Variants in STPG1 observed in about 807,000 individuals in gnomAD.
STPG1 encodes sperm tail PG-rich repeat containing 1.
In STPG1, 33 loss-of-function variants were observed where a neutral mutation model predicts 40.1. The observed-to-expected ratio is 0.82, with a 90% CI of 0.62 to 1.10. The LOEUF is 1.10. Among genes scored for constraint, STPG1 ranks in the 50% least tolerant of loss-of-function variants. The pLI is 0.00. For missense variants in STPG1, 396 were observed against 415.1 expected (o/e 0.95, Z 0.40); for synonymous variants, 150 against 155.0 (o/e 0.97, Z 0.24).
chr1:24,369,342 GCTC>G (rs1379596956), intron 7 of STPG1: 1 of 508,260 alleles, frequency 2.0e-6, no homozygotes, highest in Non-Finnish European at 4.0e-6. Flanking sequence ...ATTCCCTGTG[GCTC>G]CTCAAGTTGG....
intron 7 of STPG1, among the ~76,000 whole-genome samples, chr1:24,362,476 T>C (rs190423289): frequency 5.1e-4 from 77 of 152,304 alleles, no homozygotes; most frequent in Admixed American, 7.9e-4. Context: ...GATTTCTCTA[T>C]AGCTTAGCGT....
At position 24,358,610 on chromosome 1, in the gene STPG1, T is replaced by TGCTCTCCAGGGCTTCCTCAGC; in HGVS notation, c.937_938insGCTGAGGAAGCCCTGGAGAGC (p.Lys313delinsSerTer). 6.2e-7 allele frequency: 1 copy of TGCTCTCCAGGGCTTCCTCAGC among 1,613,640 alleles called. No homozygotes were observed. The highest frequency in any genetic ancestry group is 8.5e-7 in the Non-Finnish European group (1 of 1,179,620). On this transcript the variant is annotated stop_gained and protein_altering_variant, in exon 9 of 9. Coordinates refer to ENST00000337248, the MANE Select transcript of STPG1 (RefSeq NM_001199013.2). LOFTEE classifies it high-confidence loss of function. Reference sequence around the variant, plus strand: ...GGACTGCTTTCCTGGAAGCTCTGGCTTGTACGTAGCTGTGAGGGGACAGAG... The same window carrying TGCTCTCCAGGGCTTCCTCAGC: ...GGACTGCTTTCCTGGAAGCTCTGGCTGCTCTCCAGGGCTTCCTCAGCTGTACGTAGCTGTGAGGGGACAGAG...
At chr1:24,360,306 G>T (rs1046912998) in intron 8 of STPG1, among the ~76,000 whole-genome samples, 7 of 152,136 alleles carry the variant, frequency 4.6e-5, no homozygotes, top group Non-Finnish European at 1.0e-4. Flanking sequence ...AAAAGTAGCT[G>T]GGTGTGGTGG....
intron 3 of STPG1, among the ~76,000 whole-genome samples, chr1:24,385,204 G>A (rs1642454471): frequency 6.6e-6 from 1 of 152,192 alleles, no homozygotes; most frequent in African/African-American, 2.4e-5. Flanking sequence ...TGTAATTATG[G>A]TTTCATATAA....
chr1:24,367,907 G>A (rs1175935312), intron 7 of STPG1, among the ~76,000 whole-genome samples: 3 of 152,130 alleles, frequency 2.0e-5, no homozygotes, highest in African/African-American at 4.8e-5. Context: ...TAAAACTGAG[G>A]CTCAGAGAGG....
intron 7 of STPG1, among the ~76,000 whole-genome samples, chr1:24,367,401 C>T (rs975290225): frequency 2.6e-5 from 4 of 152,238 alleles, no homozygotes; most frequent in Admixed American, 1.3e-4. Context: ...CTTGAAGAAG[C>T]TTCCAAATTT....
chr1:24,406,341 T>C (rs1301137495), intron 1 of STPG1, among the ~76,000 whole-genome samples: 1 of 152,156 alleles, frequency 6.6e-6, no homozygotes, highest in Admixed American at 6.5e-5. Flanking sequence ...TCCATCCTTT[T>C]TGCTACTTTT....
chr1:24,392,003 T>C, intron 2 of STPG1: 1 of 1,054,606 alleles, frequency 9.5e-7, no homozygotes, highest in Non-Finnish European at 1.1e-6. Flanking sequence ...ACAGCAAAAC[T>C]ATTCTGGGAG....
chr1:24,367,452 T>C (rs1349543445), intron 7 of STPG1, among the ~76,000 whole-genome samples: 3 of 152,242 alleles, frequency 2.0e-5, no homozygotes, highest in Admixed American at 6.5e-5. Context: ...AACAGCTGTA[T>C]TGTATAATAT....
chr1:24,376,014 T>C (rs1466251065), intron 5 of STPG1, among the ~76,000 whole-genome samples: 1 of 151,972 alleles, frequency 6.6e-6, no homozygotes, highest in African/African-American at 2.4e-5. Context: ...ATGAAAGAAA[T>C]TGCATCTGGT....
intron 6 of STPG1, among the ~76,000 whole-genome samples, chr1:24,371,832 T>G (rs577689724): frequency 6.6e-5 from 10 of 151,844 alleles, no homozygotes; most frequent in Non-Finnish European, 1.3e-4. Flanking sequence ...GAAGCTGGGG[T>G]GGAGGGTGAG....
chr1:24,403,540 C>T (rs1643304921), intron 1 of STPG1, among the ~76,000 whole-genome samples: 1 of 152,086 alleles, frequency 6.6e-6, no homozygotes, highest in Admixed American at 6.6e-5. Context: ...ATCTATAGAA[C>T]AATTTAGGGA....
At chr1:24,382,195 C>T (rs570838521) in intron 4 of STPG1, among the ~76,000 whole-genome samples, 22 of 152,126 alleles carry the variant, frequency 1.4e-4, no homozygotes, top group African/African-American at 2.7e-4. Flanking sequence ...AGTTACCGCA[C>T]GCAAAGCCTT....
intron 7 of STPG1, among the ~76,000 whole-genome samples, chr1:24,362,297 C>T (rs1412675514): frequency 6.6e-6 from 1 of 152,184 alleles, no homozygotes; most frequent in African/African-American, 2.4e-5. Flanking sequence ...ACAAAGTAAC[C>T]GATCCAGTTA....
At chr1:24,404,364 A>T (rs1379619535) in intron 1 of STPG1, among the ~76,000 whole-genome samples, 1 of 152,206 alleles carries the variant, frequency 6.6e-6, no homozygotes, top group Non-Finnish European at 1.5e-5. Flanking sequence ...ATCTGTGTTT[A>T]TGAGGGCTAT....
intron 3 of STPG1, among the ~76,000 whole-genome samples, chr1:24,388,486 C>T (rs908721536): frequency 6.6e-6 from 1 of 152,232 alleles, no homozygotes; most frequent in African/African-American, 2.4e-5. Context: ...CTGTACTCTG[C>T]AGTAAGATTC....
intron 4 of STPG1, among the ~76,000 whole-genome samples, chr1:24,382,406 G>A (rs545504620): frequency 2.0e-5 from 3 of 152,288 alleles, no homozygotes; most frequent in African/African-American, 7.2e-5. Flanking sequence ...TTCACTCATT[G>A]CAACGTTAAT....
In STPG1 at chr1:24,406,172, A is replaced by G. The variant is rs75963363; in HGVS notation, c.-68-4716T>C. Among the ~76,000 whole-genome samples, 78 of 152,054 alleles carry G rather than the reference A, an allele frequency of 5.1e-4. 2 individuals are homozygous for G. The East Asian group carries it at 0.015, about 29-fold the overall frequency. On this transcript the variant is annotated intron_variant, in intron 1 of 8. Transcript: ENST00000337248. The stretch of plus-strand genomic sequence containing the variant: ...TTTTGAGAGTAAGTGCATATTACTT[A>G]TGGCCTCATTTTATCTTCATTTCTG...
At chr1:24,391,283 T>G (rs1642759909) in intron 3 of STPG1, 2 of 230,384 alleles carry the variant, frequency 8.7e-6, no homozygotes, top group East Asian at 1.8e-4. Context: ...ATGATGATTT[T>G]TAAAATATAT....
Sources: gnomAD v4.1 joint callset for allele counts (sites outside exome capture counted in the v4.1 genomes callset) on GRCh38, gnomAD v4.1.1 for gene constraint, MANE v1.5 for transcripts, NCBI Gene and HGNC (gene_info 2026-07-23, HGNC 2026-07-21) for gene names.